PAN3: variants seen among roughly 807,000 people sequenced by gnomAD.
The protein encoded by PAN3 is poly(A) specific ribonuclease subunit PAN3, also known as PAN2-PAN3 deadenylation complex subunit PAN3.
A neutral mutation model predicts 96.2 loss-of-function variants in PAN3; 19 were observed. That is an observed-to-expected ratio of 0.20 (90% CI 0.14 to 0.29). PAN3 has a LOEUF of 0.29. Among genes scored for constraint, PAN3 ranks in the 10% least tolerant of loss-of-function variants. The pLI, the probability that PAN3 is intolerant of heterozygous loss-of-function variation, is 1.00. For synonymous variants in PAN3, 433 were observed against 406.6 expected, an observed-to-expected ratio of 1.06 and a Z score of -0.78; for missense variants, 882 against 1,108.1, an observed-to-expected ratio of 0.80 and a Z score of 2.90.
chr13:28,275,477 G>A lies in PAN3; in HGVS notation c.2050-1760G>A, dbSNP rs149027826. Among the ~76,000 whole-genome samples, 27 of 152,294 alleles carry A rather than the reference G, an allele frequency of 1.8e-4. No homozygotes were observed. In the East Asian group the frequency reaches 4.1e-3, roughly 23 times the overall value. ...GCTGCTTGAAGAGTTGGAAGACTGT[G>A]TGTTGGTACCTGCTGCTCAAACACG... is the stretch of plus-strand genomic sequence containing the variant. On this transcript the variant is annotated intron_variant, in intron 14 of 18. Transcript: ENST00000380958.
intron 1 of PAN3, among the ~76,000 whole-genome samples, chr13:28,142,707 G>T (rs1434301590): frequency 6.6e-6 from 1 of 152,050 alleles, no homozygotes; most frequent in Non-Finnish European, 1.5e-5. Context: ...TTCTATGTTT[G>T]TGGGTTTTGA....
intron 5 of PAN3, chr13:28,215,465 A>G (rs1880626609): frequency 1.4e-6 from 1 of 693,192 alleles, no homozygotes; most frequent in Non-Finnish European, 2.7e-6. Context: ...TCTGTCAAAG[A>G]TGTTCGTTGG....
At chr13:28,252,482 C>CA (rs1001284440) in intron 6 of PAN3, among the ~76,000 whole-genome samples, 10 of 151,368 alleles carry the variant, frequency 6.6e-5, no homozygotes, top group African/African-American at 2.4e-4. Context: ...TTGTGTTATC[C>CA]AAAAAAACAG....
chr13:28,204,005 G>A (rs568811322), intron 5 of PAN3, among the ~76,000 whole-genome samples: 1 of 152,038 alleles, frequency 6.6e-6, no homozygotes, highest in South Asian at 2.1e-4. Context: ...GTTTCACCGT[G>A]TTGGCCAGGA....
chr13:28,198,409 T>C (rs935124086), intron 5 of PAN3, among the ~76,000 whole-genome samples: 2 of 152,196 alleles, frequency 1.3e-5, no homozygotes, highest in South Asian at 2.1e-4. Context: ...ACAAAAATTA[T>C]ATGTAAACAA....
At chr13:28,273,458 C>T (rs970535378) in intron 14 of PAN3, among the ~76,000 whole-genome samples, 8 of 151,980 alleles carry the variant, frequency 5.3e-5, no homozygotes, top group Non-Finnish European at 1.0e-4. Flanking sequence ...AAAGATTAGC[C>T]AGGTGTGGTG....
intron 1 of PAN3, among the ~76,000 whole-genome samples, chr13:28,145,395 G>A (rs1324772945): frequency 6.6e-6 from 1 of 151,986 alleles, no homozygotes; most frequent in African/African-American, 2.4e-5. Context: ...TGTGATCTCT[G>A]CTAACTGCAA....
chr13:28,264,585 G>A (rs1886006750), intron 9 of PAN3, among the ~76,000 whole-genome samples: 1 of 152,118 alleles, frequency 6.6e-6, no homozygotes. Flanking sequence ...GAACCAAATT[G>A]CTTTCCAAGG....
At chr13:28,232,232 CTGT>C (rs1478114666) in intron 6 of PAN3, among the ~76,000 whole-genome samples, 1 of 152,132 alleles carries the variant, frequency 6.6e-6, no homozygotes, top group Non-Finnish European at 1.5e-5. Context: ...CAAGAAGTGA[CTGT>C]TGTTAAGATA....
At chr13:28,148,465 A>T (rs1870958856) in intron 1 of PAN3, among the ~76,000 whole-genome samples, 2 of 152,110 alleles carry the variant, frequency 1.3e-5, no homozygotes, top group South Asian at 2.1e-4. Flanking sequence ...TTTAATATTT[A>T]AAAAAATGCC....
At chr13:28,215,675 T>G in intron 5 of PAN3, 1 of 1,476,182 alleles carries the variant, frequency 6.8e-7, no homozygotes, top group South Asian at 1.2e-5. Flanking sequence ...AGCTGGAAGA[T>G]GGCCCTAAAT....
intron 18 of PAN3, among the ~76,000 whole-genome samples, chr13:28,289,745 G>A (rs1191212725): frequency 6.6e-6 from 1 of 151,888 alleles, no homozygotes; most frequent in Admixed American, 6.5e-5. Context: ...AGCCGGGCAT[G>A]GTGACAGGCA....
intron 12 of PAN3, 48 bp from the exon 13 acceptor site, chr13:28,270,653 T>G: frequency 1.3e-6 from 2 of 1,578,448 alleles, no homozygotes; most frequent in Non-Finnish European, 1.7e-6. Context: ...CTTTAGTCTT[T>G]TAGTTGATTA....
chr13:28,220,404 A>G (rs1279201549), intron 6 of PAN3, 26 bp downstream of exon 6: 1 of 1,608,134 alleles, frequency 6.2e-7, no homozygotes, highest in African/African-American at 1.3e-5. Flanking sequence ...ATTTCCAGTG[A>G]GTTCCAGATA....
intron 1 of PAN3, among the ~76,000 whole-genome samples, chr13:28,153,573 T>G (rs1467054689): frequency 6.6e-6 from 1 of 152,092 alleles, no homozygotes; most frequent in Non-Finnish European, 1.5e-5. Flanking sequence ...GAAGAAAAGA[T>G]CTAGAGACAG....
intron 5 of PAN3, among the ~76,000 whole-genome samples, chr13:28,213,884 C>G (rs1488156693): frequency 1.3e-5 from 2 of 152,086 alleles, no homozygotes; most frequent in African/African-American, 2.4e-5. Context: ...TGAGATACCA[C>G]TACACACCTA....
chr13:28,141,060 G>A (rs1869735345), intron 1 of PAN3, among the ~76,000 whole-genome samples: 1 of 145,334 alleles, frequency 6.9e-6, no homozygotes. Context: ...CTGAAGTGCA[G>A]TGGTGCGATC....
intron 5 of PAN3, among the ~76,000 whole-genome samples, chr13:28,210,987 C>T (rs956739856): frequency 9.9e-5 from 15 of 152,090 alleles, no homozygotes; most frequent in Non-Finnish European, 2.1e-4. Context: ...TCACTGCAGC[C>T]TTCACCTCCT....
At chr13:28,262,219 A>G (rs1468413657) in intron 9 of PAN3, among the ~76,000 whole-genome samples, 5 of 152,216 alleles carry the variant, frequency 3.3e-5, no homozygotes, top group African/African-American at 1.2e-4. Context: ...TGGCTGGTAA[A>G]CAGCTGACTG....
Sources: gnomAD v4.1 joint callset for allele counts (sites outside exome capture counted in the v4.1 genomes callset) on GRCh38, gnomAD v4.1.1 for gene constraint, MANE v1.5 for transcripts, NCBI Gene and HGNC (gene_info 2026-07-23, HGNC 2026-07-21) for gene names.